The following PDCD1LG2 variants were observed in gnomAD, a reference collection of about 807,000 sequenced individuals.
PDCD1LG2 encodes B7 dendritic cell molecule.
PDCD1LG2 carries 32 observed loss-of-function variants against 28.2 expected under a neutral mutation model. The ratio of observed to expected loss-of-function variants is 1.13; its 90% CI spans 0.86 to 1.52. The LOEUF is 1.52. Among genes scored for constraint, PDCD1LG2 ranks in the 40% most tolerant of loss-of-function variants. The pLI is 0.00. For missense variants in PDCD1LG2, 385 were observed against 323.8 expected (o/e 1.19, Z -1.45); for synonymous variants, 116 against 120.2 (o/e 0.97, Z 0.23).
chr9:5,527,472 G>C (rs893599877), intron 2 of PDCD1LG2, among the ~76,000 whole-genome samples: 1 of 152,116 alleles, frequency 6.6e-6, no homozygotes, highest in Non-Finnish European at 1.5e-5. Context: ...CATTCATATT[G>C]TTGTGTGAAT....
rs887781390 is a variant in PDCD1LG2 at position 5,545,702 on chromosome 9, A to G, written c.362-3633A>G. Among the ~76,000 whole-genome samples the G allele has an allele frequency of 2.6e-5, 4 of 152,200 alleles. No individual in the cohort carries two copies. The East Asian group carries it at 7.7e-4, about 29-fold the overall frequency. On this transcript the variant is annotated intron_variant, in intron 3 of 6. Coordinates refer to ENST00000397747, the MANE Select transcript of PDCD1LG2 (RefSeq NM_025239.4). ...ACATTTGAGATTTCAACTCATCTCTATTACAACTGATAGAACAAACAATTA... is the reference window on the plus strand; with the variant it reads ...ACATTTGAGATTTCAACTCATCTCTGTTACAACTGATAGAACAAACAATTA...
intron 5 of PDCD1LG2, among the ~76,000 whole-genome samples, chr9:5,561,747 A>T (rs1816566695): frequency 6.6e-6 from 1 of 152,212 alleles, no homozygotes; most frequent in East Asian, 1.9e-4. Context: ...ATAGGCTGGT[A>T]ACAGTTCACC....
rs1816738950 is a variant in PDCD1LG2, at chr9:5,569,877, C to A, written c.817-77C>A. The A allele has an allele frequency of 6.9e-7, 1 of 1,442,880 alleles. No individual in the cohort carries two copies. Among genetic ancestry groups the A allele is most frequent in the Non-Finnish European group, 9.7e-7 (1 of 1,033,222 alleles). The allele number at this position is 1,442,880 out of a possible 1,614,324, so 89.4% of individuals were successfully genotyped here. On this transcript the variant is annotated intron_variant, in intron 6 of 6. Transcript: ENST00000397747. This position sits in a 1 kb window ranked among gnomAD's most constrained non-coding sequence, Gnocchi z 4.1. ...AACTTTTTTAAAAAAATTAGTTCCT[C>A]ACTCAAATTTTGGGGAGGTTATATA...
chr9:5,548,898 G>A (rs1816265079), intron 3 of PDCD1LG2, among the ~76,000 whole-genome samples: 2 of 152,172 alleles, frequency 1.3e-5, no homozygotes, highest in African/African-American at 4.8e-5. Context: ...GGGTAATCTA[G>A]TGATTTTTAT....
At chr9:5,549,263 A>G (rs771284589) in intron 3 of PDCD1LG2, 72 bp from the exon 4 acceptor site, 168 of 1,382,552 alleles carry the variant, frequency 1.2e-4, no homozygotes, top group Non-Finnish European at 1.6e-4. Flanking sequence ...TTCATTTCAC[A>G]TGGCATGAAG....
intron 3 of PDCD1LG2, among the ~76,000 whole-genome samples, chr9:5,543,746 G>A (rs1028397734): frequency 3.3e-5 from 5 of 152,108 alleles, no homozygotes; most frequent in Non-Finnish European, 2.9e-5. Flanking sequence ...AAGAAAATCG[G>A]AGTCAAGAAA....
At chr9:5,552,928 C>G (rs1816365941) in intron 4 of PDCD1LG2, among the ~76,000 whole-genome samples, 1 of 152,090 alleles carries the variant, frequency 6.6e-6, no homozygotes, top group African/African-American at 2.4e-5. Flanking sequence ...AGGAGTCATG[C>G]TAAGGATCTT....
At chr9:5,535,074 T>A in intron 3 of PDCD1LG2, 24 bp downstream of exon 3, 1 of 1,561,132 alleles carries the variant, frequency 6.4e-7, no homozygotes. Flanking sequence ...AGGACTAGAA[T>A]CCATGGAAGC....
At chr9:5,564,966 G>C (rs1386928098) in intron 6 of PDCD1LG2, among the ~76,000 whole-genome samples, 1 of 152,192 alleles carries the variant, frequency 6.6e-6, no homozygotes, top group Non-Finnish European at 1.5e-5. Flanking sequence ...GACATTAGAA[G>C]TGTGTTTAGA....
rs1401452056 is a variant in PDCD1LG2, at chr9:5,571,119, C to A, written c.*1160C>A. ...GGTGGGCCTAAAGCAAGCTCCTTAA[C>A]TGAGCAAAATTTGGGGCTTATGAGA... is the stretch of plus-strand genomic sequence containing the variant. On this transcript the variant is annotated 3_prime_UTR_variant, in exon 7 of 7. Transcript: ENST00000397747. The A allele has an allele frequency of 1.3e-5, 3 of 232,674 alleles. No individual in the cohort carries two copies. Among genetic ancestry groups the A allele is most frequent in the African/African-American group, 4.4e-5 (2 of 45,328 alleles). 14.4% of individuals were successfully genotyped at this position (232,674 alleles called of 1,614,324 possible).
Position 5,557,644 on chromosome 9 carries a change from A to T in PDCD1LG2, c.658A>T (p.Thr220Ser), listed in dbSNP as rs765791033. Residue 220 changes from threonine to serine, a missense_variant, in exon 5 of 7, where the codon ACT becomes TCT. Physicochemically the swap from Thr to Ser is moderately conservative, Grantham distance 58 (BLOSUM62 1). Transcript: ENST00000397747. ...QSQMEPRTHP[T>S]WLLHIFIPFC... is the part of the protein sequence containing the mutation. ...TCAGATGGAACCCAGGACCCATCCA[A>T]CTTGGCTGCTTCACATTTTCATCCC... 1 of 1,613,990 alleles carries T rather than the reference A, an allele frequency of 6.2e-7. No individual in the cohort carries two copies.
At chr9:5,518,395 G>T (rs565498667) in intron 1 of PDCD1LG2, among the ~76,000 whole-genome samples, 1 of 152,386 alleles carries the variant, frequency 6.6e-6, no homozygotes, top group Non-Finnish European at 1.5e-5. Context: ...GGAAGTTAAA[G>T]CCAGTGGCAG....
chr9:5,515,706 C>T (rs997074852), intron 1 of PDCD1LG2, among the ~76,000 whole-genome samples: 5 of 151,832 alleles, frequency 3.3e-5, no homozygotes, highest in African/African-American at 9.7e-5. Flanking sequence ...GGGTGGATCA[C>T]GAGGTCAGAG....
chr9:5,556,935 C>T (rs568028991), intron 4 of PDCD1LG2, among the ~76,000 whole-genome samples: 9 of 152,206 alleles, frequency 5.9e-5, no homozygotes, highest in Non-Finnish European at 7.3e-5. Flanking sequence ...CTCTACTAAA[C>T]TCACCCTTTC....
chr9:5,564,185 G>A (rs757352821), intron 6 of PDCD1LG2, among the ~76,000 whole-genome samples: 101 of 152,172 alleles, frequency 6.6e-4, no homozygotes, highest in Non-Finnish European at 1.3e-3. Flanking sequence ...TTGTCCAAGA[G>A]GCCAGGGTTC....
At chr9:5,532,337 A>T (rs1488362468) in intron 2 of PDCD1LG2, among the ~76,000 whole-genome samples, 1 of 152,218 alleles carries the variant, frequency 6.6e-6, no homozygotes, top group African/African-American at 2.4e-5. Flanking sequence ...CAAGCCAAAA[A>T]TGTCGGTCAT....
At chr9:5,514,793 A>T (rs1317571622) in intron 1 of PDCD1LG2, among the ~76,000 whole-genome samples, 1 of 151,060 alleles carries the variant, frequency 6.6e-6, no homozygotes, top group Non-Finnish European at 1.5e-5. Flanking sequence ...AAAAAAAAAA[A>T]AGACAAAATA....
intron 1 of PDCD1LG2, among the ~76,000 whole-genome samples, chr9:5,511,932 A>T (rs1489208622): frequency 6.6e-6 from 1 of 152,160 alleles, no homozygotes; most frequent in Non-Finnish European, 1.5e-5. Context: ...CTGGCAATAC[A>T]CATAGGTGCT....
intron 4 of PDCD1LG2, among the ~76,000 whole-genome samples, chr9:5,554,081 A>T (rs1816389422): frequency 6.6e-6 from 1 of 152,114 alleles, no homozygotes; most frequent in African/African-American, 2.4e-5. Flanking sequence ...ACATTTTGAG[A>T]CCTACTACCT....
Sources: allele counts gnomAD v4.1 joint callset (sites outside exome capture counted in the v4.1 genomes callset), GRCh38; gene constraint gnomAD v4.1.1; non-coding constraint Gnocchi (gnomAD v3.1); transcripts MANE v1.5; gene names NCBI Gene and HGNC (gene_info 2026-07-23, HGNC 2026-07-21).